MAGI2: variants seen among roughly 807,000 people sequenced by gnomAD.
The protein encoded by MAGI2 is membrane-associated guanylate kinase, WW and PDZ domain-containing protein 2.
A neutral mutation model predicts 133.3 loss-of-function variants in MAGI2; 35 were observed. That is an observed-to-expected ratio of 0.26 (90% CI 0.20 to 0.35). The LOEUF (loss-of-function observed/expected upper bound fraction) is 0.35, where lower values mean the gene tolerates loss of function less well. MAGI2 is among the 10% of genes least tolerant of loss of function. The pLI is 1.00. For missense variants in MAGI2, 1,636 were observed against 1,863.4 expected, an observed-to-expected ratio of 0.88 and a Z score of 2.25; for synonymous variants, 729 against 710.6, an observed-to-expected ratio of 1.03 and a Z score of -0.41.
intron 2 of MAGI2, among the ~76,000 whole-genome samples, chr7:78,968,885 T>A (rs549083466): frequency 6.6e-6 from 1 of 152,268 alleles, no homozygotes; most frequent in Admixed American, 6.5e-5. Context: ...ACAGGAGTTA[T>A]TAAGAAATTA....
intron 6 of MAGI2, among the ~76,000 whole-genome samples, chr7:78,406,294 T>G (rs1797366477): frequency 6.6e-6 from 1 of 152,044 alleles, no homozygotes; most frequent in Non-Finnish European, 1.5e-5. Flanking sequence ...TTGCTTCAAA[T>G]AAATAACAGT....
At chr7:78,134,337 G>A (rs1278029077) in intron 17 of MAGI2, 1 of 152,146 alleles carries the variant, frequency 6.6e-6, no homozygotes, top group Non-Finnish European at 1.5e-5. Context: ...CTCCAGAAAT[G>A]GAATTCTTCA....
intron 1 of MAGI2, among the ~76,000 whole-genome samples, chr7:79,277,775 C>T (rs1835342034): frequency 6.6e-6 from 1 of 152,102 alleles, no homozygotes. Context: ...GATGTAACTC[C>T]TTTCTCTGTC....
chr7:79,098,413 A>T (rs1817692687), intron 1 of MAGI2, among the ~76,000 whole-genome samples: 1 of 152,212 alleles, frequency 6.6e-6, no homozygotes, highest in South Asian at 2.1e-4. Flanking sequence ...TGCATACAGC[A>T]CTTAACACAT....
intron 1 of MAGI2, among the ~76,000 whole-genome samples, chr7:79,136,109 GAAAGAA>G (rs1722973634): frequency 6.7e-6 from 1 of 150,280 alleles, no homozygotes; most frequent in African/African-American, 2.5e-5. Flanking sequence ...AAGAAAGAAA[GAAAGAA>G]AGAAAGAAAG....
chr7:78,767,210 C>T (rs561233590), intron 2 of MAGI2, among the ~76,000 whole-genome samples: 16 of 152,032 alleles, frequency 1.1e-4, no homozygotes, highest in Non-Finnish European at 1.9e-4. Context: ...AGGCTGGTTT[C>T]GAATTCCTAA....
intron 2 of MAGI2, among the ~76,000 whole-genome samples, chr7:78,821,451 G>A (rs748417719): frequency 6.6e-6 from 1 of 151,942 alleles, no homozygotes; most frequent in African/African-American, 2.4e-5. Flanking sequence ...TGGAGAATGA[G>A]GGGCTATTTT....
rs369873141 is a variant in MAGI2, at chr7:79,057,665, C to G, written c.302-50459G>C. 1.2e-4 allele frequency among the ~76,000 whole-genome samples: 19 copies of G among 152,262 alleles called. No homozygotes were observed. The South Asian group carries it at 3.9e-3, about 32-fold the overall frequency. ...TATCGGTCTTGAGGTATTTCAATGG[C>G]AGGTGCAGCATAAGTTTGTATTAAT... On this transcript the variant is annotated intron_variant, in intron 1 of 21. Coordinates refer to ENST00000354212, the MANE Select transcript of MAGI2 (RefSeq NM_012301.4).
chr7:78,884,395 G>A (rs910534988), intron 2 of MAGI2, among the ~76,000 whole-genome samples: 6 of 152,056 alleles, frequency 3.9e-5, no homozygotes, highest in Non-Finnish European at 8.8e-5. Context: ...GAGGTGGGAG[G>A]ATTACTTGAG....
At chr7:78,429,153 G>C (rs1367992831) in intron 6 of MAGI2, among the ~76,000 whole-genome samples, 2 of 152,022 alleles carry the variant, frequency 1.3e-5, no homozygotes, top group African/African-American at 2.4e-5. Flanking sequence ...ACATAAAGTG[G>C]GAAAAGGTAC....
intron 2 of MAGI2, among the ~76,000 whole-genome samples, chr7:78,749,479 GA>G (rs1167557922): frequency 1.3e-5 from 2 of 152,296 alleles, no homozygotes; most frequent in Non-Finnish European, 2.9e-5. Context: ...GGGAGATGGG[GA>G]ATGTGGTTTC....
intron 2 of MAGI2, among the ~76,000 whole-genome samples, chr7:78,715,480 T>C (rs536610686): frequency 1.0e-3 from 158 of 152,318 alleles, no homozygotes; most frequent in Middle Eastern, 6.8e-3. Context: ...CCTCTTTGCA[T>C]AAATCTTTAA....
intron 5 of MAGI2, among the ~76,000 whole-genome samples, chr7:78,491,208 C>T (rs2150494551): frequency 6.6e-6 from 1 of 152,176 alleles, no homozygotes; most frequent in South Asian, 2.1e-4. Context: ...AAACCAAGTT[C>T]CTTCTTAATG....
At chr7:78,669,271 C>A (rs1814032578) in intron 2 of MAGI2, among the ~76,000 whole-genome samples, 1 of 151,906 alleles carries the variant, frequency 6.6e-6, no homozygotes, top group Non-Finnish European at 1.5e-5. Context: ...TACAAACTAC[C>A]ATCAGAGAAT....
At chr7:78,063,454 C>T (rs1006039176) in intron 21 of MAGI2, among the ~76,000 whole-genome samples, 1 of 152,166 alleles carries the variant, frequency 6.6e-6, no homozygotes, top group Non-Finnish European at 1.5e-5. Flanking sequence ...GTTGCCCAGG[C>T]TAGTCTCAAT....
At chr7:79,208,250 C>T (rs928937439) in intron 1 of MAGI2, among the ~76,000 whole-genome samples, 14 of 151,736 alleles carry the variant, frequency 9.2e-5, no homozygotes, top group African/African-American at 3.4e-4. Context: ...AAAAGAGAAC[C>T]TACAGAATGG....
intron 6 of MAGI2, among the ~76,000 whole-genome samples, chr7:78,413,475 A>G (rs1042577430): frequency 6.6e-6 from 1 of 151,672 alleles, no homozygotes; most frequent in Non-Finnish European, 1.5e-5. Flanking sequence ...ACAGGAGAGT[A>G]AGTTCAGCTC....
chr7:78,845,066 A>G (rs1457583629), intron 2 of MAGI2, among the ~76,000 whole-genome samples: 5 of 151,918 alleles, frequency 3.3e-5, no homozygotes, highest in Admixed American at 2.6e-4. Context: ...GCCTATCTAT[A>G]AATATCTCTA....
At chr7:78,189,243 T>C (rs1827987901) in intron 12 of MAGI2, among the ~76,000 whole-genome samples, 1 of 152,202 alleles carries the variant, frequency 6.6e-6, no homozygotes, top group South Asian at 2.1e-4. Context: ...CAGCCATAGA[T>C]GTGAAAAACA....
Sources: allele counts gnomAD v4.1 joint callset (sites outside exome capture counted in the v4.1 genomes callset), GRCh38; gene constraint gnomAD v4.1.1; transcripts MANE v1.5; gene names NCBI Gene and HGNC (gene_info 2026-07-23, HGNC 2026-07-21).